The following CNTNAP2 variants were observed in gnomAD, a reference collection of about 807,000 sequenced individuals.
CNTNAP2 encodes the protein contactin associated protein 2.
Under a neutral mutation model 155.2 loss-of-function variants are expected in CNTNAP2, and 98 were observed. The ratio of observed to expected loss-of-function variants is 0.63; its 90% CI spans 0.54 to 0.75. CNTNAP2 has a LOEUF of 0.75. Among genes scored for constraint, CNTNAP2 ranks in the 30% least tolerant of loss-of-function variants. The pLI, the probability that CNTNAP2 is intolerant of heterozygous loss-of-function variation, is 0.00. For synonymous variants in CNTNAP2, 651 were observed against 631.2 expected (o/e 1.03, Z -0.47); for missense variants, 1,727 against 1,688.1 (o/e 1.02, Z -0.40).
chr7:146,335,436 CA>C (rs1180080000), intron 1 of CNTNAP2, among the ~76,000 whole-genome samples: 2 of 152,148 alleles, frequency 1.3e-5, no homozygotes, highest in African/African-American at 2.4e-5. Flanking sequence ...CAGGCACTTG[CA>C]GAGTAGTTGA....
chr7:147,801,444 G>A (rs1797983799), intron 13 of CNTNAP2, among the ~76,000 whole-genome samples: 2 of 151,664 alleles, frequency 1.3e-5, no homozygotes, highest in South Asian at 4.2e-4. Context: ...AAAGGTCTCT[G>A]GTTTTCCTAG....
chr7:147,024,585 C>T (rs1798868408), intron 3 of CNTNAP2, among the ~76,000 whole-genome samples: 1 of 152,116 alleles, frequency 6.6e-6, no homozygotes, highest in Non-Finnish European at 1.5e-5. Flanking sequence ...GCAGGTGAAA[C>T]TGTAATCATT....
intron 14 of CNTNAP2, among the ~76,000 whole-genome samples, chr7:147,945,502 A>G (rs1352361075): frequency 6.6e-6 from 1 of 152,190 alleles, no homozygotes; most frequent in Non-Finnish European, 1.5e-5. Flanking sequence ...ATTTAAAAGG[A>G]TCAAGTATAT....
At chr7:147,451,392 C>A (rs1400119906) in intron 10 of CNTNAP2, among the ~76,000 whole-genome samples, 1 of 152,062 alleles carries the variant, frequency 6.6e-6, no homozygotes. Flanking sequence ...CTTAAGGAAC[C>A]AAATTTGCAC....
chr7:146,457,551 A>C, intron 1 of CNTNAP2, among the ~76,000 whole-genome samples: 1 of 130,520 alleles, frequency 7.7e-6, no homozygotes. Flanking sequence ...CCCAGGCTGG[A>C]GTGGTGCAGT....
Position 147,552,003 on chromosome 7 carries a change from CA to C in CNTNAP2, c.1778-10132del, listed in dbSNP as rs533944406. 5.9e-5 allele frequency among the ~76,000 whole-genome samples: 9 copies of C among 152,240 alleles called. No homozygotes were observed. In the South Asian group the frequency reaches 1.7e-3, roughly 28 times the overall value. On this transcript the variant is annotated intron_variant, in intron 11 of 23. Coordinates refer to ENST00000361727, the MANE Select transcript of CNTNAP2 (RefSeq NM_014141.6). ...CCAAAGTAAAACTTGAATATCCCAT[CA>C]AATTCCTCATTTTTATGAGAAAATT...
intron 4 of CNTNAP2, among the ~76,000 whole-genome samples, chr7:147,055,617 T>G (rs1457302061): frequency 6.6e-6 from 1 of 152,138 alleles, no homozygotes; most frequent in Non-Finnish European, 1.5e-5. Context: ...GAAAGGCATC[T>G]CAAGTCTCGC....
chr7:148,257,565 G>A, intron 20 of CNTNAP2, among the ~76,000 whole-genome samples: 1 of 152,198 alleles, frequency 6.6e-6, no homozygotes, highest in East Asian at 1.9e-4. Context: ...TCTTGGGATT[G>A]GAGGGATGGC....
At chr7:147,364,840 C>A (rs1796199375) in intron 9 of CNTNAP2, among the ~76,000 whole-genome samples, 1 of 149,460 alleles carries the variant, frequency 6.7e-6, no homozygotes, top group South Asian at 2.1e-4. Context: ...CGGAGTGAGA[C>A]TCAGTCTCGG....
At chr7:147,329,170 A>T (rs1379178488) in intron 9 of CNTNAP2, among the ~76,000 whole-genome samples, 2 of 151,930 alleles carry the variant, frequency 1.3e-5, no homozygotes, top group Non-Finnish European at 2.9e-5. Flanking sequence ...CCACGCATAT[A>T]CACACACAGG....
At chr7:147,069,083 A>G (rs1226867817) in intron 4 of CNTNAP2, among the ~76,000 whole-genome samples, 2 of 152,052 alleles carry the variant, frequency 1.3e-5, no homozygotes, top group Non-Finnish European at 2.9e-5. Flanking sequence ...TAACAATCAG[A>G]TCTCATGGGG....
At chr7:147,103,564 A>AT (rs991496029) in intron 4 of CNTNAP2, among the ~76,000 whole-genome samples, 19 of 151,974 alleles carry the variant, frequency 1.3e-4, no homozygotes, top group Non-Finnish European at 1.8e-4. Flanking sequence ...CATTTTTACT[A>AT]TTTTTTTAGA....
rs538811410 is a variant in CNTNAP2, at chr7:146,978,587, TCC to T, written c.403-65318_403-65317del. On this transcript the variant is annotated intron_variant, in intron 3 of 23. Coordinates refer to ENST00000361727, the MANE Select transcript of CNTNAP2 (RefSeq NM_014141.6). ...TTCAGTCCTCATTGTGTTCTCTCTC[TCC>T]CTCTCTCTAGTTAAATGTATATATT... Among the ~76,000 whole-genome samples the T allele has an allele frequency of 9.1e-3, 1,383 of 152,152 alleles. 14 individuals are homozygous for T. The highest frequency in any genetic ancestry group is 0.018 in the South Asian group (86 of 4,822).
chr7:147,213,702 C>T (rs946328001), intron 8 of CNTNAP2, among the ~76,000 whole-genome samples: 1 of 152,050 alleles, frequency 6.6e-6, no homozygotes, highest in South Asian at 2.1e-4. Flanking sequence ...GGCAAAGTCC[C>T]GTGATAGGTT....
intron 22 of CNTNAP2, among the ~76,000 whole-genome samples, chr7:148,385,788 CCCATGCTGGAGTACAATGGCA>C (rs1254829579): frequency 7.1e-6 from 1 of 140,738 alleles, no homozygotes; most frequent in Admixed American, 7.3e-5. Context: ...CACTCAGTTG[CCCATGCTGGAGTACAATGGCA>C]CCATTGCAAC....
At chr7:147,067,400 C>G (rs1427418643) in intron 4 of CNTNAP2, among the ~76,000 whole-genome samples, 1 of 151,568 alleles carries the variant, frequency 6.6e-6, no homozygotes, top group Non-Finnish European at 1.5e-5. Flanking sequence ...TATTGGGGGT[C>G]AGATTTCAAC....
Position 147,044,041 on chromosome 7 carries a change from T to C in CNTNAP2, c.537T>C (p.Tyr179=), listed in dbSNP as rs1799308280. The change falls in exon 4 of 24, where the codon TAT becomes TAC. Residue 179 remains tyrosine (Y), a synonymous_variant. Transcript: ENST00000361727. ...EGRIGLRIEV[Y]GCSYWADVIN... ...GCATTGGACTCAGAATTGAAGTTTA[T>C]GGCTGTTCTTACTGTGAGTATCGTA... is the stretch of plus-strand genomic sequence containing the variant. 6.2e-7 allele frequency: 1 copy of C among 1,614,182 alleles called. No individual in the cohort carries two copies. Among genetic ancestry groups the C allele is most frequent in the South Asian group, 1.1e-5 (1 of 91,090 alleles).
At chr7:148,208,516 C>A (rs1369283241) in intron 18 of CNTNAP2, among the ~76,000 whole-genome samples, 1 of 152,040 alleles carries the variant, frequency 6.6e-6, no homozygotes, top group Non-Finnish European at 1.5e-5. Flanking sequence ...GGAAAAAGAG[C>A]CAATGCCTTA....
intron 1 of CNTNAP2, among the ~76,000 whole-genome samples, chr7:146,262,393 C>T (rs1442977125): frequency 2.6e-5 from 4 of 152,154 alleles, no homozygotes; most frequent in Non-Finnish European, 5.9e-5. Flanking sequence ...CCTATAGTAT[C>T]AGTGCTCTGG....
Sources: allele counts gnomAD v4.1 joint callset (sites outside exome capture counted in the v4.1 genomes callset), GRCh38; gene constraint gnomAD v4.1.1; transcripts MANE v1.5; gene names NCBI Gene and HGNC (gene_info 2026-07-23, HGNC 2026-07-21).